The following KIF13B variants were observed in gnomAD, a reference collection of about 807,000 sequenced individuals.
KIF13B encodes kinesin-like protein KIF13B.
Under a neutral mutation model 222.0 loss-of-function variants are expected in KIF13B, and 127 were observed. That is an observed-to-expected ratio of 0.57 (90% CI 0.50 to 0.66). The LOEUF (loss-of-function observed/expected upper bound fraction) is 0.66, where lower values mean the gene tolerates loss of function less well. Among genes scored for constraint, KIF13B ranks in the 30% least tolerant of loss-of-function variants. KIF13B has a pLI of 0.00. For synonymous variants in KIF13B, 976 were observed against 919.0 expected (o/e 1.06, Z -1.12); for missense variants, 2,173 against 2,379.0 (o/e 0.91, Z 1.80).
intron 18 of KIF13B, among the ~76,000 whole-genome samples, chr8:29,144,819 A>T (rs938145070): frequency 6.6e-6 from 1 of 152,246 alleles, no homozygotes; most frequent in Non-Finnish European, 1.5e-5. Context: ...ACCAAAAAAT[A>T]GTCTGTTGCA....
intron 35 of KIF13B, among the ~76,000 whole-genome samples, chr8:29,107,562 CTTT>C (rs35539806): frequency 3.0e-4 from 40 of 134,784 alleles, no homozygotes; most frequent in African/African-American, 3.8e-4. Context: ...TTTGAAGTTT[CTTT>C]TTTTTTTTTT....
intron 38 of KIF13B, among the ~76,000 whole-genome samples, chr8:29,074,575 G>A (rs1469886807): frequency 6.6e-6 from 1 of 152,252 alleles, no homozygotes; most frequent in East Asian, 1.9e-4. Context: ...TGACCATCCT[G>A]CTGACCAGGG....
At chr8:29,132,084 C>CA (rs1443865460) in intron 23 of KIF13B, among the ~76,000 whole-genome samples, 1 of 151,806 alleles carries the variant, frequency 6.6e-6, no homozygotes, top group East Asian at 1.9e-4. Context: ...TTGTCTTTAC[C>CA]AAAAATACAA....
Position 29,161,971 on chromosome 8 carries a change from A to G in KIF13B, c.1270-1104T>C, listed in dbSNP as rs78187371. ...GTGTGGTGAATTTATCCAAAAACAA[A>G]CAAATTTGCATATGCACTCAAGCGT... On this transcript the variant is annotated intron_variant, in intron 12 of 39. Transcript: ENST00000524189. Among the ~76,000 whole-genome samples, 480 of 152,234 alleles carry G rather than the reference A, an allele frequency of 3.2e-3. 3 individuals are homozygous for G. The highest frequency in any genetic ancestry group is 0.011 in the African/African-American group (455 of 41,542).
intron 2 of KIF13B, among the ~76,000 whole-genome samples, chr8:29,232,431 T>A (rs1490707141): frequency 3.5e-5 from 5 of 142,274 alleles, no homozygotes; most frequent in Non-Finnish European, 6.1e-5. Flanking sequence ...ATAAAAAAAA[T>A]TAAAAAATAA....
intron 37 of KIF13B, among the ~76,000 whole-genome samples, chr8:29,090,166 A>C (rs936049431): frequency 2.6e-5 from 4 of 152,168 alleles, no homozygotes; most frequent in African/African-American, 9.7e-5. Context: ...AAGAACGAAG[A>C]TTCAAGGCCG....
At chr8:29,207,885 T>C (rs1814025848) in intron 2 of KIF13B, among the ~76,000 whole-genome samples, 2 of 151,940 alleles carry the variant, frequency 1.3e-5, no homozygotes, top group South Asian at 4.2e-4. Flanking sequence ...CTCAAAAAAA[T>C]GAAGAGAGAA....
intron 2 of KIF13B, among the ~76,000 whole-genome samples, chr8:29,210,039 G>C (rs1193842924): frequency 6.6e-6 from 1 of 151,218 alleles, no homozygotes. Context: ...TTAGGCAAGA[G>C]AGCCAGACCC....
intron 21 of KIF13B, among the ~76,000 whole-genome samples, chr8:29,139,687 T>C (rs1444959161): frequency 6.6e-6 from 1 of 152,182 alleles, no homozygotes; most frequent in Non-Finnish European, 1.5e-5. Flanking sequence ...GAGTCAGGTT[T>C]AGGCCTTCTT....
Position 29,070,750 on chromosome 8 carries a change from G to A in KIF13B, c.5235C>T (p.Ser1745=), listed in dbSNP as rs770514655. 14 of 1,587,622 alleles carry A rather than the reference G, an allele frequency of 8.8e-6. 1 individual carries two copies. In the South Asian group the frequency reaches 9.2e-5, roughly 10 times the overall value. The change falls in exon 40 of 40, where the codon TCC becomes TCT. Residue 1745 remains serine (S), a synonymous_variant. Transcript: ENST00000524189. The surrounding 1 kb of genome is among the most constrained non-coding windows in gnomAD (Gnocchi z 4.1). ...ACCTGAAGTACTGCTTCCCGCCGAT[G>A]GAACCGTCATTCTTACCTGCGGGGG... is the stretch of plus-strand genomic sequence containing the variant. The part of the protein sequence containing the change: ...LDLPSGKNDG[S]IGGKQYFRCN...
At chr8:29,221,049 G>A (rs564195273) in intron 2 of KIF13B, among the ~76,000 whole-genome samples, 2 of 151,514 alleles carry the variant, frequency 1.3e-5, no homozygotes, top group East Asian at 3.9e-4. Context: ...GGCTGCTGTG[G>A]GAGGATCACC....
intron 10 of KIF13B, among the ~76,000 whole-genome samples, chr8:29,173,414 A>C (rs977959593): frequency 2.6e-5 from 4 of 151,434 alleles, no homozygotes; most frequent in Non-Finnish European, 4.4e-5. Flanking sequence ...CAAGGCCAGG[A>C]GTTCAAGACC....
chr8:29,070,543 G>A lies in KIF13B; in HGVS notation c.5442C>T (p.Ser1814=), dbSNP rs1439415941. The change falls in exon 40 of 40, where the codon AGC becomes AGT. Residue 1814 remains serine (S), a synonymous_variant. Coordinates refer to ENST00000524189, the MANE Select transcript of KIF13B (RefSeq NM_015254.4). This position sits in a 1 kb window ranked among gnomAD's most constrained non-coding sequence, Gnocchi z 4.1. ...LTAALAKADR[S]HKNPENRKSW... ...ATTTCCGGTTCTCAGGGTTCTTGTG[G>A]CTCCTGTCGGCCTTGGCCAGGGCAG... The A allele has an allele frequency of 6.2e-7, 1 of 1,609,580 alleles. No individual in the cohort carries two copies. The highest frequency in any genetic ancestry group is 1.1e-5 in the South Asian group (1 of 90,434).
At chr8:29,136,273 T>C (rs949343209) in intron 21 of KIF13B, among the ~76,000 whole-genome samples, 6 of 152,130 alleles carry the variant, frequency 3.9e-5, no homozygotes, top group Admixed American at 6.5e-5. Context: ...TGGAGTTACA[T>C]AAAATAAATA....
chr8:29,260,010 T>G (rs1399584642), intron 1 of KIF13B, among the ~76,000 whole-genome samples: 1 of 152,152 alleles, frequency 6.6e-6, no homozygotes, highest in Non-Finnish European at 1.5e-5. Context: ...GTGAACTTTT[T>G]TCTTTTTCTT....
At chr8:29,242,527 G>A (rs1175539841) in intron 2 of KIF13B, among the ~76,000 whole-genome samples, 2 of 152,130 alleles carry the variant, frequency 1.3e-5, no homozygotes, top group Non-Finnish European at 2.9e-5. Flanking sequence ...CTAATTGAGG[G>A]GAAGAAGATA....
chr8:29,151,845 A>AGCCGAG (rs1198575161), intron 14 of KIF13B, among the ~76,000 whole-genome samples: 1 of 151,966 alleles, frequency 6.6e-6, no homozygotes, highest in Admixed American at 6.6e-5. Flanking sequence ...TTTCACTTTC[A>AGCCGAG]AGTCTTATCA....
chr8:29,123,946 T>A, intron 27 of KIF13B, 78 bp downstream of exon 27: 2 of 862,158 alleles, frequency 2.3e-6, no homozygotes, highest in Non-Finnish European at 3.8e-6. Flanking sequence ...GGTTCTTAAC[T>A]GATGTGGCTA....
intron 21 of KIF13B, among the ~76,000 whole-genome samples, chr8:29,136,616 A>C (rs1810570043): frequency 6.6e-6 from 1 of 151,342 alleles, no homozygotes; most frequent in African/African-American, 2.4e-5. Context: ...AATTAATTAA[A>C]ATAAATAAAT....
Sources: gnomAD v4.1 joint callset for allele counts (sites outside exome capture counted in the v4.1 genomes callset) on GRCh38, gnomAD v4.1.1 for gene constraint, Gnocchi (gnomAD v3.1) non-coding constraint, MANE v1.5 for transcripts, NCBI Gene and HGNC (gene_info 2026-07-23, HGNC 2026-07-21) for gene names.